Variants in DOP1B observed in about 807,000 individuals in gnomAD.
DOP1B encodes DOP1 leucine zipper like protein B.
A neutral mutation model predicts 233.5 loss-of-function variants in DOP1B; 174 were observed. The observed-to-expected ratio is 0.75, with a 90% CI of 0.66 to 0.85. The LOEUF (loss-of-function observed/expected upper bound fraction) is 0.85. DOP1B is among the 40% of genes least tolerant of loss of function. The pLI, the probability that DOP1B is intolerant of heterozygous loss-of-function variation, is 0.00. For synonymous variants in DOP1B, 1,190 were observed against 1,185.6 expected (o/e 1.00, Z -0.08); for missense variants, 2,652 against 2,846.6 (o/e 0.93, Z 1.56).
At chr21:36,252,366 A>G (rs2067041182) in intron 22 of DOP1B, among the ~76,000 whole-genome samples, 1 of 150,686 alleles carries the variant, frequency 6.6e-6, no homozygotes, top group Admixed American at 6.6e-5. Flanking sequence ...GCTGAGATGG[A>G]AGGATCACTT....
intron 27 of DOP1B, among the ~76,000 whole-genome samples, chr21:36,273,565 G>A (rs7282050): frequency 0.23 from 35,573 of 152,040 alleles, 4,910 homozygotes; most frequent in African/African-American, 0.38. Flanking sequence ...ATGTCCCCAA[G>A]GAGGTGACAG....
Position 36,195,081 on chromosome 21 carries a change from C to T in DOP1B, c.139-3989C>T, listed in dbSNP as rs542496478. Among the ~76,000 whole-genome samples the T allele has an allele frequency of 4.6e-5, 7 of 152,248 alleles. No homozygotes were observed. The East Asian group carries it at 1.4e-3, about 30-fold the overall frequency. On this transcript the variant is annotated intron_variant, in intron 2 of 36. Coordinates refer to ENST00000691173, the MANE Select transcript of DOP1B (RefSeq NM_001320714.2). ...AGATGCTGGGCATGATGGCTCATGC[C>T]TGTAATCCCAGCACTTTGGGAGGCC...
At chr21:36,284,561 G>A (rs1044065680) in intron 32 of DOP1B, among the ~76,000 whole-genome samples, 1 of 152,006 alleles carries the variant, frequency 6.6e-6, no homozygotes, top group Non-Finnish European at 1.5e-5. Flanking sequence ...GAGCCACTGC[G>A]CCCAGCCCTG....
chr21:36,276,790 G>A (rs867962310), intron 27 of DOP1B, among the ~76,000 whole-genome samples: 28 of 139,206 alleles, frequency 2.0e-4, no homozygotes, highest in Middle Eastern at 4.8e-3. Flanking sequence ...ACAGTGAGCC[G>A]AGATCACACC....
rs137981795 is a variant in DOP1B, at chr21:36,163,610, A to G, written c.-26-1098A>G. 3.3e-5 allele frequency among the ~76,000 whole-genome samples: 5 copies of G among 152,316 alleles called. No individual in the cohort carries two copies. In the East Asian group the frequency reaches 7.7e-4, roughly 23 times the overall value. ...ACCGCGTTCACTCACGTTTAACTAT[A>G]TAGCATTGCTCTGTATTTGTCTTTC... On this transcript the variant is annotated intron_variant, in intron 1 of 36. Transcript: ENST00000691173.
At chr21:36,270,912 C>CAAA (rs71326665) in intron 27 of DOP1B, among the ~76,000 whole-genome samples, 8 of 127,818 alleles carry the variant, frequency 6.3e-5, no homozygotes, top group East Asian at 2.2e-4. Context: ...GACTACACCT[C>CAAA]AAAAAAAAAA....
chr21:36,176,235 T>C (rs917214470), intron 2 of DOP1B, among the ~76,000 whole-genome samples: 1 of 152,096 alleles, frequency 6.6e-6, no homozygotes, highest in Non-Finnish European at 1.5e-5. Flanking sequence ...GGGCACTGCA[T>C]TGTGGGGGTA....
intron 31 of DOP1B, among the ~76,000 whole-genome samples, chr21:36,280,988 C>T (rs774094747): frequency 5.3e-5 from 8 of 150,190 alleles, no homozygotes; most frequent in Non-Finnish European, 7.4e-5. Flanking sequence ...GGCGACAGAG[C>T]GAAAATCCTT....
chr21:36,202,063 T>C (rs2066374013), intron 4 of DOP1B, among the ~76,000 whole-genome samples: 2 of 152,108 alleles, frequency 1.3e-5, no homozygotes, highest in South Asian at 4.1e-4. Flanking sequence ...GGTGTGCGCC[T>C]GTAATCCCAG....
chr21:36,271,543 A>G (rs2067289677), intron 27 of DOP1B, among the ~76,000 whole-genome samples: 1 of 151,930 alleles, frequency 6.6e-6, no homozygotes, highest in African/African-American at 2.4e-5. Flanking sequence ...AAGTGCTGGT[A>G]TTACAGGCGT....
chr21:36,169,152 C>G (rs1379218775), intron 2 of DOP1B: 3 of 970,564 alleles, frequency 3.1e-6, no homozygotes, highest in Non-Finnish European at 4.9e-6. Context: ...AGAATGAGCA[C>G]TCGCTTCTTG....
At chr21:36,260,859 G>A (rs2067161554) in intron 24 of DOP1B, 127 bp downstream of exon 24, 1 of 1,521,406 alleles carries the variant, frequency 6.6e-7, no homozygotes, top group South Asian at 1.3e-5. Context: ...ATATCTTAAA[G>A]TTGTCATAAT....
chr21:36,245,529 G>C lies in DOP1B; in HGVS notation c.3549G>C (p.Ser1183=). ...AGTTAAGCCTGGTGCGGGTGGACTC[G>C]GACAAGACGCAGGCTTCTGAGTCGT... The part of the protein sequence containing the change: ...GAKLSLVRVD[S]DKTQASESFS... Residue 1183 remains serine (S), a synonymous_variant, in exon 19 of 37, where the codon TCG becomes TCC. Transcript: ENST00000691173. This position sits in a 1 kb window ranked among gnomAD's most constrained non-coding sequence, Gnocchi z 5.5. 1 of 1,613,470 alleles carries C rather than the reference G, an allele frequency of 6.2e-7. No individual in the cohort carries two copies. The highest frequency in any genetic ancestry group is 1.1e-5 in the South Asian group (1 of 91,084).
chr21:36,282,519 C>T (rs1182120787), intron 32 of DOP1B, among the ~76,000 whole-genome samples: 2 of 152,336 alleles, frequency 1.3e-5, no homozygotes, highest in South Asian at 4.1e-4. Flanking sequence ...AGCACTGTCT[C>T]TTGCTAGAGT....
chr21:36,165,069 AG>A (rs1398132777), intron 2 of DOP1B, among the ~76,000 whole-genome samples, 198 bp downstream of exon 2: 5 of 152,172 alleles, frequency 3.3e-5, no homozygotes, highest in Non-Finnish European at 7.4e-5. Flanking sequence ...TAGAAAATAT[AG>A]AAAAGAAAAA....
chr21:36,202,044 G>A (rs763774457), intron 4 of DOP1B, among the ~76,000 whole-genome samples: 8 of 152,070 alleles, frequency 5.3e-5, no homozygotes, highest in Admixed American at 2.6e-4. Context: ...AAAATTAGCC[G>A]GACATGGTGG....
chr21:36,246,155 C>A lies in DOP1B; in HGVS notation c.4175C>A (p.Ser1392Ter). The A allele has an allele frequency of 6.2e-7, 1 of 1,613,768 alleles. No individual in the cohort carries two copies. Among genetic ancestry groups the A allele is most frequent in the South Asian group, 1.1e-5 (1 of 91,072 alleles). Reference protein sequence around the residue: ...KVQEFVLLSLSASMYTSQKRY... With the variant: ...KVQEFVLLSL Reference sequence around the variant, plus strand: ...CAGGAGTTTGTCCTGCTCTCCCTGTCGGCGTCCATGTACACGAGCCAGAAG... The same window carrying A: ...CAGGAGTTTGTCCTGCTCTCCCTGTAGGCGTCCATGTACACGAGCCAGAAG... The change falls in exon 19 of 37, where the codon TCG becomes TAG. Residue 1392 changes from serine to a stop codon, truncating the protein, a stop_gained. Transcript: ENST00000691173. LOFTEE classifies it high-confidence loss of function. The surrounding 1 kb of genome is among the most constrained non-coding windows in gnomAD (Gnocchi z 5.1).
Position 36,173,583 on chromosome 21 carries a change from G to A in DOP1B, c.138+8712G>A, listed in dbSNP as rs544132267. ...ACTACAGGCGCCCACCACCACACCC[G>A]GCTAATTTTTTTTGTATTTTTAGTA... On this transcript the variant is annotated intron_variant, in intron 2 of 36. Coordinates refer to ENST00000691173, the MANE Select transcript of DOP1B (RefSeq NM_001320714.2). Among the ~76,000 whole-genome samples the A allele has an allele frequency of 1.5e-4, 23 of 151,902 alleles. No homozygotes were observed. The East Asian group carries it at 4.3e-3, about 28-fold the overall frequency.
intron 18 of DOP1B, 54 bp downstream of exon 18, chr21:36,240,009 G>A: frequency 6.5e-7 from 1 of 1,531,610 alleles, no homozygotes; most frequent in Non-Finnish European, 8.8e-7. Flanking sequence ...GGGGGGACTG[G>A]ACCTCAGCAG....
Sources: gnomAD v4.1 joint callset for allele counts (sites outside exome capture counted in the v4.1 genomes callset) on GRCh38, gnomAD v4.1.1 for gene constraint, Gnocchi (gnomAD v3.1) non-coding constraint, MANE v1.5 for transcripts, NCBI Gene and HGNC (gene_info 2026-07-23, HGNC 2026-07-21) for gene names.